The following TCIRG1 variants were observed in gnomAD, a reference collection of about 807,000 sequenced individuals.
TCIRG1 encodes the protein T cell immune regulator 1, ATPase H+ transporting V0 subunit a3.
Under a neutral mutation model 95.5 loss-of-function variants are expected in TCIRG1, and 86 were observed. That is an observed-to-expected ratio of 0.90 (90% CI 0.76 to 1.08). TCIRG1 has a LOEUF of 1.08. TCIRG1 is among the 50% of genes least tolerant of loss of function. The pLI is 0.00. For missense variants in TCIRG1, 1,069 were observed against 1,140.2 expected (o/e 0.94, Z 0.90); for synonymous variants, 499 against 501.3 (o/e 1.00, Z 0.06).
At chr11:68,043,113 G>A (rs1018385800) in intron 5 of TCIRG1, 82 bp downstream of exon 5, 11 of 1,546,360 alleles carry the variant, frequency 7.1e-6, no homozygotes, top group African/African-American at 1.4e-5. Context: ...GCTGAGCTCC[G>A]ACTCCTTGTC....
intron 5 of TCIRG1, 104 bp from the exon 6 acceptor site, chr11:68,043,267 C>A: frequency 6.7e-7 from 1 of 1,492,552 alleles, no homozygotes. Context: ...CCAGTGTGCC[C>A]AATTGCCCGA....
At chr11:68,047,356 G>A (rs1590812359) in intron 10 of TCIRG1, 77 bp from the exon 11 acceptor site, 1 of 1,502,150 alleles carries the variant, frequency 6.7e-7, no homozygotes, top group Admixed American at 1.8e-5. Context: ...GGCCAGCAGG[G>A]CCTCCGTGGC....
At chr11:68,045,235 C>A in intron 10 of TCIRG1, 133 bp downstream of exon 10, 1 of 1,133,544 alleles carries the variant, frequency 8.8e-7, no homozygotes, top group Non-Finnish European at 1.3e-6. Flanking sequence ...CACATCCCAT[C>A]ACTCTCAAGG....
chr11:68,049,333 C>T, intron 15 of TCIRG1, 39 bp downstream of exon 15: 3 of 1,569,778 alleles, frequency 1.9e-6, no homozygotes, highest in Non-Finnish European at 1.7e-6. Context: ...CACACGGCCT[C>T]ATGGGGACCC....
chr11:68,052,472 A>G (rs1329870953), downstream of TCIRG1: 6 of 152,392 alleles, frequency 3.9e-5, no homozygotes, highest in South Asian at 4.1e-4. Context: ...GCTCCTGTGC[A>G]GGAGCGCAAC....
chr11:68,045,210 C>T, intron 10 of TCIRG1, 108 bp downstream of exon 10: 1 of 1,396,096 alleles, frequency 7.2e-7, no homozygotes, highest in Non-Finnish European at 9.9e-7. Context: ...GCCTGCCCTC[C>T]TGGGATGAGG....
chr11:68,046,892 C>T (rs1049727550), intron 10 of TCIRG1: 4 of 455,988 alleles, frequency 8.8e-6, no homozygotes, highest in Middle Eastern at 3.2e-4. Flanking sequence ...CCGTGCTGCC[C>T]GTGGAGAACT....
In TCIRG1 at chr11:68,041,288, G is replaced by A. The variant is rs768203698; in HGVS notation, c.17G>A (p.Arg6Gln). The A allele has an allele frequency of 2.7e-5, 44 of 1,612,706 alleles. No individual in the cohort carries two copies. The highest frequency in any genetic ancestry group is 6.7e-5 in the African/African-American group (5 of 74,920). The change falls in exon 2 of 20, where the codon CGG (arginine) becomes CAG (glutamine). Residue 6 changes from arginine (R) to glutamine (Q), a missense_variant. Coordinates refer to ENST00000265686, the MANE Select transcript of TCIRG1 (RefSeq NM_006019.4). MGSMFRSEEVALVQLF... is the reference protein window; with the variant it reads MGSMFQSEEVALVQLF... Reference sequence around the variant, plus strand: ...CACAGGACCATGGGCTCCATGTTCCGGAGCGAGGAGGTGGCCCTGGTCCAG... The same window carrying A: ...CACAGGACCATGGGCTCCATGTTCCAGAGCGAGGAGGTGGCCCTGGTCCAG...
At chr11:68,052,954 A>AAGTC (rs1446830035), downstream of TCIRG1, 1 of 152,600 alleles carries the variant, frequency 6.6e-6, no homozygotes, top group African/African-American at 2.4e-5. Flanking sequence ...GAGTAAAAAA[A>AAGTC]AGTCAGCTAA....
chr11:68,050,829 C>T lies in TCIRG1; in HGVS notation c.*10C>T. The T allele has an allele frequency of 6.2e-7, 1 of 1,612,368 alleles. No homozygotes were observed. The highest frequency in any genetic ancestry group is 1.1e-5 in the South Asian group (1 of 91,082). On this transcript the variant is annotated 3_prime_UTR_variant, in exon 20 of 20. Coordinates refer to ENST00000265686, the MANE Select transcript of TCIRG1 (RefSeq NM_006019.4). ...TGCCACAGATGACTAGGGCCCACTGCAGGTCCTGCCAGACCTCCTTCCTGA... is the reference window on the plus strand; with the variant it reads ...TGCCACAGATGACTAGGGCCCACTGTAGGTCCTGCCAGACCTCCTTCCTGA...
chr11:68,047,452 C>T lies in TCIRG1; in HGVS notation c.1185C>T (p.Thr395=). The T allele has an allele frequency of 6.2e-7, 1 of 1,614,078 alleles. No individual in the cohort carries two copies. Among genetic ancestry groups the T allele is most frequent in the Non-Finnish European group, 8.5e-7 (1 of 1,180,010 alleles). The change falls in exon 11 of 20, where the codon ACC becomes ACT. Residue 395 remains threonine, a synonymous_variant. Transcript: ENST00000265686. ...CCACAGCTCCCTACACCATCATCAC[C>T]TTCCCCTTCCTGTTTGCTGTGATGT... ...EVNPAPYTII[T]FPFLFAVMFG...
intron 16 of TCIRG1, 48 bp downstream of exon 16, chr11:68,049,836 A>G (rs1855706186): frequency 2.6e-6 from 4 of 1,556,284 alleles, no homozygotes; most frequent in Non-Finnish European, 3.5e-6. Flanking sequence ...GGGAGAGGCC[A>G]CTGTCCGGTG....
At position 68,048,954 on chromosome 11, in the gene TCIRG1, G is replaced by A. The variant is rs371505143; in HGVS notation, c.1630G>A (p.Val544Met). The change falls in exon 14 of 20, where the codon GTG (valine) becomes ATG (methionine). Residue 544 changes from valine (V) to methionine (M), a missense_variant. Physicochemically the swap from Val to Met is conservative, Grantham distance 21. Coordinates refer to ENST00000265686, the MANE Select transcript of TCIRG1 (RefSeq NM_006019.4). The stretch of plus-strand genomic sequence containing the variant: ...GAAGATGTCCGTCATCCTGGGCGTC[G>A]TGCACATGGCCTTTGGGGTGGTCCT... ...KMKMSVILGV[V>M]HMAFGVVLGV... The A allele has an allele frequency of 7.4e-5, 120 of 1,613,712 alleles. No individual in the cohort carries two copies. In the African/African-American group the frequency reaches 1.0e-3, roughly 14 times the overall value.
At position 68,050,127 on chromosome 11, in the gene TCIRG1, C is replaced by T. The variant is rs377606178; in HGVS notation, c.2119-10C>T. 1.1e-4 allele frequency: 182 copies of T among 1,612,626 alleles called. 1 individual carries two copies. The highest frequency in any genetic ancestry group is 9.9e-4 in the Middle Eastern group (6 of 6,080). On this transcript the variant is annotated splice_polypyrimidine_tract_variant and intron_variant, in intron 17 of 19. Transcript: ENST00000265686. ...AGGCCCTGCCGGCCCTCACTGCACC[C>T]GCCCCGCAGCTCGTCCCCTCCGAGG...
chr11:68,049,592 C>T (rs1348519743), intron 15 of TCIRG1, 71 bp from the exon 16 acceptor site: 2 of 1,562,768 alleles, frequency 1.3e-6, no homozygotes, highest in Non-Finnish European at 8.6e-7. Flanking sequence ...GGCCCCGTGA[C>T]TGCTGTGACT....
chr11:68,051,741 G>C (rs1031560627), downstream of TCIRG1, among the ~76,000 whole-genome samples: 1 of 152,232 alleles, frequency 6.6e-6, no homozygotes, highest in Non-Finnish European at 1.5e-5. Flanking sequence ...GCTGGGGTAG[G>C]AGCAGAGAAG....
At chr11:68,041,221 T>A in intron 1 of TCIRG1, 47 bp from the exon 2 acceptor site, 2 of 1,310,428 alleles carry the variant, frequency 1.5e-6, no homozygotes, top group South Asian at 2.4e-5. Context: ...GGTTGGGAAC[T>A]GTCTGTGGTC....
chr11:68,046,027 G>A (rs1026978429), intron 10 of TCIRG1, among the ~76,000 whole-genome samples: 7 of 152,348 alleles, frequency 4.6e-5, no homozygotes, highest in East Asian at 1.9e-4. Flanking sequence ...TCCCCTGCAC[G>A]TGGGCAGAGG....
chr11:68,046,223 G>A (rs1342753210), intron 10 of TCIRG1, among the ~76,000 whole-genome samples: 1 of 152,212 alleles, frequency 6.6e-6, no homozygotes, highest in Non-Finnish European at 1.5e-5. Flanking sequence ...GGTGTCAGCA[G>A]GGGCCGGGGG....
Sources: gnomAD v4.1 joint callset for allele counts (sites outside exome capture counted in the v4.1 genomes callset) on GRCh38, gnomAD v4.1.1 for gene constraint, MANE v1.5 for transcripts, NCBI Gene and HGNC (gene_info 2026-07-23, HGNC 2026-07-21) for gene names.